The following CALB1 variants were observed in gnomAD, a reference collection of about 807,000 sequenced individuals.
CALB1 encodes the protein calbindin 1.
In CALB1, 16 loss-of-function variants were observed where a neutral mutation model predicts 46.7. That is an observed-to-expected ratio of 0.34 (90% CI 0.23 to 0.52). The LOEUF (loss-of-function observed/expected upper bound fraction) is 0.52. Among genes scored for constraint, CALB1 ranks in the 20% least tolerant of loss-of-function variants. The pLI, the probability that CALB1 is intolerant of heterozygous loss-of-function variation, is 0.95. For missense variants in CALB1, 224 were observed against 300.3 expected (o/e 0.75, Z 1.88); for synonymous variants, 90 against 112.8 (o/e 0.80, Z 1.28).
intron 2 of CALB1, among the ~76,000 whole-genome samples, chr8:90,080,934 A>G (rs1472259965): frequency 6.6e-6 from 1 of 152,048 alleles, no homozygotes; most frequent in African/African-American, 2.4e-5. Flanking sequence ...TGGTAGTGTA[A>G]AATCTCTTTC....
intron 3 of CALB1, among the ~76,000 whole-genome samples, chr8:90,074,209 A>G (rs1025434899): frequency 1.1e-4 from 16 of 152,310 alleles, no homozygotes; most frequent in African/African-American, 3.6e-4. Context: ...TTTTGTAGTA[A>G]GTTATTTTTA....
intron 1 of CALB1, 103 bp downstream of exon 1, chr8:90,082,516 A>T: frequency 3.2e-6 from 3 of 942,284 alleles, no homozygotes; most frequent in Non-Finnish European, 5.2e-6. Flanking sequence ...GAAGTAAAGA[A>T]TAGAAAGGAG....
rs1489150984 is a variant in CALB1, at chr8:90,060,327, G to A, written c.673-41C>T. The A allele has an allele frequency of 3.3e-6, 4 of 1,199,420 alleles. No homozygotes were observed. The Admixed American group carries it at 5.1e-5, about 15-fold the overall frequency. The allele number at this position is 1,199,420 out of a possible 1,614,324, so 74.3% of individuals were successfully genotyped here. A position where few individuals can be genotyped will look rare whatever the true frequency, so the allele number is the denominator to read the frequency against. On this transcript the variant is annotated intron_variant, in intron 10 of 10. Transcript: ENST00000265431. ...ATGGCATTGTAATCCAGTTAAATATGGAAGTTAATTAACCACTGTCAAGTG... is the reference window on the plus strand; with the variant it reads ...ATGGCATTGTAATCCAGTTAAATATAGAAGTTAATTAACCACTGTCAAGTG...
At chr8:90,076,702 A>C (rs1586184279) in intron 3 of CALB1, among the ~76,000 whole-genome samples, 1 of 152,048 alleles carries the variant, frequency 6.6e-6, no homozygotes, top group East Asian at 1.9e-4. Flanking sequence ...AAAACTTCTG[A>C]GGAAATTTCC....
Position 90,078,342 on chromosome 8 carries a change from A to G in CALB1, c.231+31T>C, listed in dbSNP as rs745348470. The G allele has an allele frequency of 2.2e-6, 3 of 1,374,982 alleles. No homozygotes were observed. In the South Asian group the frequency reaches 3.7e-5, roughly 17 times the overall value. 85.2% of individuals were successfully genotyped at this position (1,374,982 alleles called of 1,614,324 possible). ...TCAAAATTGAAACTCATTTATTAAA[A>G]TTAAATCAGAAAAATGCATAAATTC... On this transcript the variant is annotated intron_variant, in intron 3 of 10. Coordinates refer to ENST00000265431, the MANE Select transcript of CALB1 (RefSeq NM_004929.4).
chr8:90,082,484 T>C, intron 1 of CALB1, 135 bp downstream of exon 1: 1 of 740,748 alleles, frequency 1.3e-6, no homozygotes, highest in East Asian at 2.6e-5. Context: ...GATAAGAAGA[T>C]AAGATTAGGC....
At position 90,060,230 on chromosome 8, in the gene CALB1, A is replaced by G. The variant is rs1387641703; in HGVS notation, c.729T>C (p.Asp243=). Residue 243 remains aspartate (D), a synonymous_variant, in exon 11 of 11, where the codon GAT becomes GAC. Coordinates refer to ENST00000265431, the MANE Select transcript of CALB1 (RefSeq NM_004929.4). ...TYKKNIMALS[D]GGKLYRTDLA... ...GATCCGTTCGGTACAGCTTCCCTCC[A>G]TCCGACAAAGCCATTATGTTCTTCT... 3 of 1,613,778 alleles carry G rather than the reference A, an allele frequency of 1.9e-6. No homozygotes were observed. Among genetic ancestry groups the G allele is most frequent in the Non-Finnish European group, 2.5e-6 (3 of 1,179,692 alleles).
At chr8:90,068,842 A>T (rs1465349785) in intron 5 of CALB1, among the ~76,000 whole-genome samples, 156 bp downstream of exon 5, 1 of 152,046 alleles carries the variant, frequency 6.6e-6, no homozygotes, top group African/African-American at 2.4e-5. Context: ...TGCTTTTTTG[A>T]TCTGGTACTT....
intron 9 of CALB1, chr8:90,061,320 C>G (rs1814293236): frequency 6.6e-6 from 1 of 152,238 alleles, no homozygotes; most frequent in South Asian, 2.1e-4. Context: ...TATTACCTTT[C>G]CTATGAAAAG....
chr8:90,063,605 T>C (rs916526216), intron 6 of CALB1, 144 bp from the exon 7 acceptor site: 2 of 644,584 alleles, frequency 3.1e-6, no homozygotes, highest in Non-Finnish European at 5.4e-6. Flanking sequence ...TTTAAAACTT[T>C]CAATGCAAAT....
chr8:90,064,660 A>G (rs916031417), intron 6 of CALB1, among the ~76,000 whole-genome samples: 3 of 151,806 alleles, frequency 2.0e-5, no homozygotes, highest in African/African-American at 7.2e-5. Flanking sequence ...GTTATTGTCC[A>G]TTACCTAAAA....
chr8:90,081,511 A>T, intron 2 of CALB1: 1 of 974,048 alleles, frequency 1.0e-6, no homozygotes, highest in Non-Finnish European at 1.2e-6. Flanking sequence ...TAATCTGCAG[A>T]TCTGTTTCTT....
intron 3 of CALB1, among the ~76,000 whole-genome samples, chr8:90,072,596 T>A (rs1235011176): frequency 1.3e-5 from 2 of 152,212 alleles, no homozygotes; most frequent in African/African-American, 4.8e-5. Context: ...GTGGTGGTCC[T>A]GTGTTGTCTC....
In CALB1 at chr8:90,060,712, G is replaced by A. The variant is rs775988897; in HGVS notation, c.601-12C>T. 2.5e-6 allele frequency: 4 copies of A among 1,596,702 alleles called. No homozygotes were observed. The South Asian group carries it at 3.3e-5, about 13-fold the overall frequency. On this transcript the variant is annotated splice_polypyrimidine_tract_variant and intron_variant, in intron 9 of 10. Coordinates refer to ENST00000265431, the MANE Select transcript of CALB1 (RefSeq NM_004929.4). ...TATCCATTGCCGTCCTGGGGGAGGA[G>A]AAATAAAATAGTATACAACCAACTC... is the stretch of plus-strand genomic sequence containing the variant.
chr8:90,065,481 G>T (rs1161806412), intron 6 of CALB1, among the ~76,000 whole-genome samples: 1 of 151,668 alleles, frequency 6.6e-6, no homozygotes, highest in Non-Finnish European at 1.5e-5. Flanking sequence ...TCAACAAAGT[G>T]TGATTTCCCA....
chr8:90,061,282 C>T (rs541915694), intron 9 of CALB1: 1 of 152,278 alleles, frequency 6.6e-6, no homozygotes, highest in South Asian at 2.1e-4. Context: ...GGATTCGAAT[C>T]AGGAGTTTGT....
intron 2 of CALB1, chr8:90,081,406 G>A: frequency 1.2e-6 from 1 of 852,888 alleles, no homozygotes. Flanking sequence ...TTGCAAGTTG[G>A]GCAACTTACC....
chr8:90,068,181 A>G (rs1814434579), intron 5 of CALB1, among the ~76,000 whole-genome samples: 1 of 152,208 alleles, frequency 6.6e-6, no homozygotes, highest in South Asian at 2.1e-4. Flanking sequence ...TTTCATGTGC[A>G]GAATCTTACT....
At chr8:90,068,208 C>T (rs1261823978) in intron 5 of CALB1, among the ~76,000 whole-genome samples, 1 of 151,900 alleles carries the variant, frequency 6.6e-6, no homozygotes, top group Non-Finnish European at 1.5e-5. Context: ...TCACAATAAG[C>T]CTGAGAGGAA....
Sources: allele counts gnomAD v4.1 joint callset (sites outside exome capture counted in the v4.1 genomes callset), GRCh38; gene constraint gnomAD v4.1.1; transcripts MANE v1.5; gene names NCBI Gene and HGNC (gene_info 2026-07-23, HGNC 2026-07-21).